PTPRD: variants seen among roughly 807,000 people sequenced by gnomAD.
PTPRD encodes the protein protein tyrosine phosphatase receptor type D, also known as receptor-type tyrosine-protein phosphatase delta.
A neutral mutation model predicts 214.5 loss-of-function variants in PTPRD; 34 were observed. That is an observed-to-expected ratio of 0.16 (90% CI 0.12 to 0.21). The LOEUF (loss-of-function observed/expected upper bound fraction) is 0.21, where lower values mean the gene tolerates loss of function less well. Among genes scored for constraint, PTPRD ranks in the 10% least tolerant of loss-of-function variants. The pLI, the probability that PTPRD is intolerant of heterozygous loss-of-function variation, is 1.00. For synonymous variants in PTPRD, 1,128 were observed against 845.7 expected (o/e 1.33, Z -5.79); for missense variants, 2,545 against 2,398.7 (o/e 1.06, Z -1.27).
intron 3 of PTPRD, among the ~76,000 whole-genome samples, chr9:10,088,903 G>A (rs1446634544): frequency 6.6e-6 from 1 of 151,686 alleles, no homozygotes; most frequent in South Asian, 2.1e-4. Flanking sequence ...TGGTGGTGAT[G>A]GCTGCACAGC....
At chr9:10,072,113 A>G (rs1258974476) in intron 3 of PTPRD, among the ~76,000 whole-genome samples, 2 of 152,016 alleles carry the variant, frequency 1.3e-5, no homozygotes, top group African/African-American at 4.8e-5. Flanking sequence ...ATCTAATAAT[A>G]TACTTGTATA....
chr9:10,350,677 G>A (rs148759349), intron 2 of PTPRD, among the ~76,000 whole-genome samples: 89 of 152,214 alleles, frequency 5.8e-4, no homozygotes, highest in Non-Finnish European at 8.8e-4. Context: ...AGTCTATACT[G>A]TATTACACTG....
At position 9,451,958 on chromosome 9, in the gene PTPRD, T is replaced by A. The variant is rs552049166; in HGVS notation, c.-236-54476A>T. Among the ~76,000 whole-genome samples, 134 of 151,530 alleles carry A rather than the reference T, an allele frequency of 8.8e-4. No individual in the cohort carries two copies. The Middle Eastern group carries it at 0.017, about 19-fold the overall frequency. ...AAATTAAAAGTTATGTCTCTTTGAA[T>A]TTCTAGAAAGAGATAGCAAAAAGAA... On this transcript the variant is annotated intron_variant, in intron 8 of 45. Coordinates refer to ENST00000381196, the MANE Select transcript of PTPRD (RefSeq NM_002839.4).
chr9:10,047,333 T>C (rs966155721), intron 3 of PTPRD, among the ~76,000 whole-genome samples: 1 of 150,418 alleles, frequency 6.6e-6, no homozygotes, highest in Non-Finnish European at 1.5e-5. Flanking sequence ...TGTGTGTGTG[T>C]GTGTGCGTGT....
At chr9:10,303,420 C>A (rs1037291046) in intron 3 of PTPRD, among the ~76,000 whole-genome samples, 2 of 149,142 alleles carry the variant, frequency 1.3e-5, no homozygotes, top group Non-Finnish European at 2.9e-5. Context: ...CAGAGCAGAA[C>A]TGAAGGAGAT....
chr9:9,948,271 C>T (rs746019198), intron 4 of PTPRD, among the ~76,000 whole-genome samples: 10 of 152,156 alleles, frequency 6.6e-5, no homozygotes, highest in African/African-American at 1.7e-4. Context: ...TCTATCAACA[C>T]GACTTTCACT....
chr9:9,937,003 C>G (rs1380939849), intron 5 of PTPRD, among the ~76,000 whole-genome samples: 1 of 151,692 alleles, frequency 6.6e-6, no homozygotes, highest in Non-Finnish European at 1.5e-5. Flanking sequence ...CATATTCTCA[C>G]TCATAGGTGG....
Position 10,596,892 on chromosome 9 carries a change from G to A in PTPRD, c.-600+15506C>T, listed in dbSNP as rs139908610. ...ACGTGCAATACATGAGACATGACTG[G>A]TAGTAAAAACCAAGTCTTAGGTAGT... is the stretch of plus-strand genomic sequence containing the variant. On this transcript the variant is annotated intron_variant, in intron 2 of 45. Coordinates refer to ENST00000381196, the MANE Select transcript of PTPRD (RefSeq NM_002839.4). Among the ~76,000 whole-genome samples the A allele has an allele frequency of 2.7e-3, 407 of 151,442 alleles. 3 individuals are homozygous for A. The highest frequency in any genetic ancestry group is 9.1e-3 in the African/African-American group (378 of 41,402).
chr9:9,950,648 CCA>C (rs1300120065), intron 4 of PTPRD, among the ~76,000 whole-genome samples: 1 of 73,820 alleles, frequency 1.4e-5, no homozygotes, highest in Admixed American at 1.5e-4. Flanking sequence ...GGCGTGAACC[CCA>C]GGGGGCGGAG....
At chr9:8,880,186 T>C (rs1349847760) in intron 11 of PTPRD, among the ~76,000 whole-genome samples, 1 of 152,084 alleles carries the variant, frequency 6.6e-6, no homozygotes, top group South Asian at 2.1e-4. Flanking sequence ...CCACAATATA[T>C]TCTGCCAGTT....
chr9:9,902,887 T>G lies in PTPRD; in HGVS notation c.-368+35620A>C, dbSNP rs193202020. 8.9e-4 allele frequency among the ~76,000 whole-genome samples: 135 copies of G among 152,240 alleles called. 2 individuals are homozygous for G. The highest frequency in any genetic ancestry group is 3.2e-3 in the African/African-American group (131 of 41,570). On this transcript the variant is annotated intron_variant, in intron 5 of 45. Transcript: ENST00000381196. ...AAATTTTCAACACACAGCAACATTT[T>G]CTACATTTTTTTGTTTGTGTAATAT...
intron 2 of PTPRD, among the ~76,000 whole-genome samples, chr9:10,540,084 G>A (rs1469344049): frequency 6.6e-6 from 1 of 152,108 alleles, no homozygotes. Flanking sequence ...AGGTTGGAGT[G>A]CAGTGGCATG....
chr9:8,706,970 T>C (rs1340513627), intron 12 of PTPRD, among the ~76,000 whole-genome samples: 1 of 152,204 alleles, frequency 6.6e-6, no homozygotes, highest in Admixed American at 6.5e-5. Flanking sequence ...GCAGTTCTTA[T>C]GGGATCAAAC....
chr9:8,939,878 TTTTA>T (rs1434672249), intron 11 of PTPRD, among the ~76,000 whole-genome samples: 3 of 152,060 alleles, frequency 2.0e-5, no homozygotes, highest in South Asian at 2.1e-4. Context: ...ATTCTTTATT[TTTTA>T]TTTATTTATT....
intron 3 of PTPRD, among the ~76,000 whole-genome samples, chr9:10,265,025 CTG>C (rs1234973597): frequency 2.6e-5 from 4 of 152,140 alleles, no homozygotes; most frequent in African/African-American, 9.7e-5. Context: ...TCCACCATGA[CTG>C]TGAGGCCTTC....
At chr9:8,879,360 T>G (rs1203863511) in intron 11 of PTPRD, among the ~76,000 whole-genome samples, 1 of 152,160 alleles carries the variant, frequency 6.6e-6, no homozygotes, top group African/African-American at 2.4e-5. Context: ...TTGGGCCCAA[T>G]AGGCTTGGCT....
chr9:9,461,637 C>T (rs147111445), intron 8 of PTPRD, among the ~76,000 whole-genome samples: 69 of 152,080 alleles, frequency 4.5e-4, no homozygotes, highest in Admixed American at 1.6e-3. Context: ...ATACTCATAC[C>T]CTCAAAAGGT....
intron 36 of PTPRD, among the ~76,000 whole-genome samples, chr9:8,403,298 G>C (rs912256545): frequency 6.6e-6 from 1 of 152,124 alleles, no homozygotes; most frequent in Non-Finnish European, 1.5e-5. Context: ...TAAAATAACT[G>C]GGTCTGAAGC....
At position 9,443,906 on chromosome 9, in the gene PTPRD, A is replaced by T. The variant is rs192848629; in HGVS notation, c.-236-46424T>A. On this transcript the variant is annotated intron_variant, in intron 8 of 45. Coordinates refer to ENST00000381196, the MANE Select transcript of PTPRD (RefSeq NM_002839.4). ...ACAAGCTTGAAAGCAAGACTGAAAC[A>T]TGCACTTATATTCATTCATGTTTTT... is the stretch of plus-strand genomic sequence containing the variant. 3.0e-3 allele frequency among the ~76,000 whole-genome samples: 464 copies of T among 152,320 alleles called. 2 individuals are homozygous for T. The highest frequency in any genetic ancestry group is 4.7e-3 in the Admixed American group (72 of 15,292).
Sources: gnomAD v4.1 joint callset for allele counts (sites outside exome capture counted in the v4.1 genomes callset) on GRCh38, gnomAD v4.1.1 for gene constraint, MANE v1.5 for transcripts, NCBI Gene and HGNC (gene_info 2026-07-23, HGNC 2026-07-21) for gene names.